The following NAALADL2 variants were observed in gnomAD, a reference collection of about 807,000 sequenced individuals.
NAALADL2 encodes the protein N-acetylated alpha-linked acidic dipeptidase like 2.
NAALADL2 carries 76 observed loss-of-function variants against 87.2 expected under a neutral mutation model. The observed-to-expected ratio is 0.87, with a 90% CI of 0.72 to 1.05. The LOEUF (loss-of-function observed/expected upper bound fraction) is 1.05, where lower values mean the gene tolerates loss of function less well. NAALADL2 is among the 50% of genes least tolerant of loss of function. The pLI is 0.00. For missense variants in NAALADL2, 1,089 were observed against 945.8 expected (o/e 1.15, Z -1.99); for synonymous variants, 354 against 331.0 (o/e 1.07, Z -0.75).
intron 2 of NAALADL2, among the ~76,000 whole-genome samples, chr3:174,619,488 G>C (rs200984528): frequency 7.0e-4 from 106 of 152,042 alleles, no homozygotes; most frequent in Non-Finnish European, 1.4e-3. Flanking sequence ...GGAAATACTG[G>C]CAGCCCCTTT....
At chr3:175,440,149 C>G (rs1162882740) in intron 5 of NAALADL2, among the ~76,000 whole-genome samples, 1 of 152,130 alleles carries the variant, frequency 6.6e-6, no homozygotes, top group Non-Finnish European at 1.5e-5. Context: ...CGGTGCCCTT[C>G]CCCACTTTTC....
At chr3:174,611,867 T>A (rs1719927003) in intron 2 of NAALADL2, among the ~76,000 whole-genome samples, 1 of 151,982 alleles carries the variant, frequency 6.6e-6, no homozygotes, top group Admixed American at 6.6e-5. Context: ...AGTGCTGGGA[T>A]TACAGGTGTG....
At chr3:174,755,808 C>A (rs930729950) in intron 3 of NAALADL2, among the ~76,000 whole-genome samples, 1 of 152,172 alleles carries the variant, frequency 6.6e-6, no homozygotes, top group Non-Finnish European at 1.5e-5. Context: ...AACTTCTATT[C>A]AAAATATCTA....
chr3:174,928,710 A>G (rs569905750), intron 1 of NAALADL2, among the ~76,000 whole-genome samples: 2 of 152,372 alleles, frequency 1.3e-5, no homozygotes, highest in Admixed American at 6.5e-5. Flanking sequence ...ATTATAAAGT[A>G]TAGTTAAATT....
chr3:174,564,340 A>AAT (rs1329347097), intron 2 of NAALADL2, among the ~76,000 whole-genome samples: 1 of 152,102 alleles, frequency 6.6e-6, no homozygotes, highest in Non-Finnish European at 1.5e-5. Context: ...CAAGGCATTT[A>AAT]ATCTTTCTAA....
chr3:175,265,974 GTTT>G (rs1351857729), intron 4 of NAALADL2, among the ~76,000 whole-genome samples: 1 of 149,704 alleles, frequency 6.7e-6, no homozygotes, highest in African/African-American at 2.4e-5. Context: ...ACACTATTGG[GTTT>G]ATAGATCATA....
At chr3:175,647,327 C>T (rs765160675) in intron 11 of NAALADL2, among the ~76,000 whole-genome samples, 11 of 151,986 alleles carry the variant, frequency 7.2e-5, no homozygotes, top group Non-Finnish European at 1.3e-4. Flanking sequence ...TCAGTGGGTA[C>T]ATGTGCAGGT....
chr3:175,047,839 T>C (rs549232702), intron 1 of NAALADL2, among the ~76,000 whole-genome samples: 2 of 152,336 alleles, frequency 1.3e-5, no homozygotes, highest in South Asian at 4.1e-4. Context: ...TTTCATATAT[T>C]CACAACTGGC....
intron 2 of NAALADL2, among the ~76,000 whole-genome samples, chr3:174,650,630 ATTG>A (rs1724263882): frequency 6.6e-6 from 1 of 152,146 alleles, no homozygotes; most frequent in African/African-American, 2.4e-5. Flanking sequence ...TACGGTCGTA[ATTG>A]TTAACTTGCT....
intron 2 of NAALADL2, among the ~76,000 whole-genome samples, chr3:175,132,005 C>CT (rs1378974667): frequency 8.0e-6 from 1 of 125,780 alleles, no homozygotes; most frequent in Non-Finnish European, 1.7e-5. Context: ...GACTGACCCC[C>CT]CCACCTCCCT....
At position 175,014,521 on chromosome 3, in the gene NAALADL2, A is replaced by G. The variant is rs181930345; in HGVS notation, c.44-82269A>G. 1.2e-3 allele frequency among the ~76,000 whole-genome samples: 180 copies of G among 152,318 alleles called. 1 individual carries two copies. Among genetic ancestry groups the G allele is most frequent in the South Asian group, 1.0e-3 (5 of 4,830 alleles). On this transcript the variant is annotated intron_variant, in intron 1 of 13. Coordinates refer to ENST00000454872, the MANE Select transcript of NAALADL2 (RefSeq NM_207015.3). ...CCAGTACATAGAACAAAAGTTTGTC[A>G]TAAAATATAGGTTGAACAAATGAAT...
chr3:175,271,753 C>T (rs1440105747), intron 4 of NAALADL2, among the ~76,000 whole-genome samples: 3 of 152,286 alleles, frequency 2.0e-5, no homozygotes, highest in Middle Eastern at 3.4e-3. Flanking sequence ...CGAGGTCGTG[C>T]CACTGCACTC....
chr3:174,800,563 A>C (rs1226424619), intron 3 of NAALADL2, among the ~76,000 whole-genome samples: 2 of 152,188 alleles, frequency 1.3e-5, no homozygotes, highest in Non-Finnish European at 2.9e-5. Flanking sequence ...GGCAATGCAG[A>C]AGGGAGATGT....
intron 1 of NAALADL2, among the ~76,000 whole-genome samples, chr3:174,891,152 A>T (rs1307630692): frequency 6.6e-6 from 1 of 152,108 alleles, no homozygotes; most frequent in East Asian, 1.9e-4. Flanking sequence ...GTAACGCAAC[A>T]TTTCACTAGT....
At chr3:175,133,637 A>G (rs994477440) in intron 2 of NAALADL2, among the ~76,000 whole-genome samples, 7 of 152,176 alleles carry the variant, frequency 4.6e-5, no homozygotes, top group Non-Finnish European at 8.8e-5. Flanking sequence ...CAGGCGAATC[A>G]GGCAGGGAGG....
At position 174,991,206 on chromosome 3, in the gene NAALADL2, C is replaced by T. The variant is rs12330810; in HGVS notation, c.44-105584C>T. ...CATTCAATAAGTTATTATTGAGTAC[C>T]GCTGTATGCCAGCCACTAGTGTTAT... On this transcript the variant is annotated intron_variant, in intron 1 of 13. Coordinates refer to ENST00000454872, the MANE Select transcript of NAALADL2 (RefSeq NM_207015.3). 4.6e-5 allele frequency among the ~76,000 whole-genome samples: 7 copies of T among 152,106 alleles called. No homozygotes were observed. In the South Asian group the frequency reaches 6.2e-4, roughly 14 times the overall value.
intron 1 of NAALADL2, among the ~76,000 whole-genome samples, chr3:174,865,273 T>C (rs1727012257): frequency 6.6e-6 from 1 of 152,058 alleles, no homozygotes; most frequent in Admixed American, 6.6e-5. Context: ...CTAAATTTAA[T>C]GCAGTTTATA....
At chr3:175,718,851 A>C (rs1486609823) in intron 11 of NAALADL2, among the ~76,000 whole-genome samples, 1 of 152,090 alleles carries the variant, frequency 6.6e-6, no homozygotes, top group East Asian at 1.9e-4. Context: ...AAAAAGACAA[A>C]AAACAAACAA....
chr3:175,296,397 G>T (rs553896573), intron 4 of NAALADL2, among the ~76,000 whole-genome samples: 1 of 152,230 alleles, frequency 6.6e-6, no homozygotes, highest in South Asian at 2.1e-4. Context: ...AAGTAACTGG[G>T]TTTCACCATA....
Sources: gnomAD v4.1 joint callset for allele counts (sites outside exome capture counted in the v4.1 genomes callset) on GRCh38, gnomAD v4.1.1 for gene constraint, MANE v1.5 for transcripts, NCBI Gene and HGNC (gene_info 2026-07-23, HGNC 2026-07-21) for gene names.